Variants in USP25 observed in about 807,000 individuals in gnomAD.
USP25 encodes the protein ubiquitin carboxyl-terminal hydrolase 25.
Under a neutral mutation model 158.5 loss-of-function variants are expected in USP25, and 85 were observed. The ratio of observed to expected loss-of-function variants is 0.54; its 90% CI spans 0.45 to 0.64. The LOEUF (loss-of-function observed/expected upper bound fraction) is 0.64. USP25 is among the 30% of genes least tolerant of loss of function. The pLI is 0.00. For synonymous variants in USP25, 464 were observed against 460.4 expected, an observed-to-expected ratio of 1.01 and a Z score of -0.10; for missense variants, 1,242 against 1,327.3, an observed-to-expected ratio of 0.94 and a Z score of 1.00.
At chr21:15,770,053 T>A (rs1207525576) in intron 3 of USP25, among the ~76,000 whole-genome samples, 1 of 152,070 alleles carries the variant, frequency 6.6e-6, no homozygotes, top group East Asian at 1.9e-4. Flanking sequence ...ATCCTAGAAT[T>A]CTAGTTATGG....
intron 17 of USP25, among the ~76,000 whole-genome samples, chr21:15,833,884 T>A (rs1029939545): frequency 1.3e-5 from 2 of 151,930 alleles, no homozygotes; most frequent in African/African-American, 4.8e-5. Context: ...ACTAAAGCTA[T>A]CAAGAGTATC....
chr21:15,833,587 ATTATT>A, intron 17 of USP25, 39 bp downstream of exon 17: 1 of 1,537,698 alleles, frequency 6.5e-7, no homozygotes, highest in Non-Finnish European at 8.8e-7. Flanking sequence ...GATTATCAAT[ATTATT>A]TTTATAATAA....
rs1478512168 is a variant in USP25, at chr21:15,849,791, G to A, written c.2466G>A (p.Pro822=). ...GGYDDEIMMT[P]NMQGIIMAIG... ...TTCTGTGGCAGATCATGATGACACC[G>A]AACATGCAAGGTATTATCATGGCGA... The change falls in exon 20 of 26, where the codon CCG becomes CCA. Residue 822 remains proline (P), a synonymous_variant. Transcript: ENST00000400183. 1.5e-5 allele frequency: 23 copies of A among 1,536,328 alleles called. No homozygotes were observed. The Middle Eastern group carries it at 6.7e-4, about 45-fold the overall frequency.
intron 20 of USP25, among the ~76,000 whole-genome samples, chr21:15,853,503 G>A (rs1009598643): frequency 6.6e-6 from 1 of 151,892 alleles, no homozygotes; most frequent in Non-Finnish European, 1.5e-5. Flanking sequence ...TCTTAAACAG[G>A]TTTTAAAATA....
In USP25 at chr21:15,879,763, T is replaced by C. The variant is rs1312412699; in HGVS notation, c.*1288T>C. ...AAAACTAGTGTTCTTTATTAGTGCC[T>C]CTCACAAAAGATCCTGGATGGAGGA... On this transcript the variant is annotated 3_prime_UTR_variant, in exon 26 of 26. Coordinates refer to ENST00000400183, the MANE Select transcript of USP25 (RefSeq NM_001283041.3). 1 of 152,608 alleles carries C rather than the reference T, an allele frequency of 6.6e-6. No individual in the cohort carries two copies. Among genetic ancestry groups the C allele is most frequent in the Non-Finnish European group, 1.5e-5 (1 of 68,010 alleles). The allele number at this position is 152,608 out of a possible 1,614,324, so 9.5% of individuals were successfully genotyped here. A position where few individuals can be genotyped will look rare whatever the true frequency, so the allele number is the denominator to read the frequency against.
chr21:15,758,524 C>A (rs1055725325), intron 1 of USP25, among the ~76,000 whole-genome samples: 1 of 152,142 alleles, frequency 6.6e-6, no homozygotes, highest in Non-Finnish European at 1.5e-5. Context: ...CCTCCTTCAC[C>A]TTCAGCCGTG....
chr21:15,850,805 T>G (rs888157992), intron 20 of USP25, among the ~76,000 whole-genome samples: 2 of 151,942 alleles, frequency 1.3e-5, no homozygotes, highest in African/African-American at 4.8e-5. Context: ...AATAAGCATT[T>G]TTGAGTTTGC....
intron 1 of USP25, among the ~76,000 whole-genome samples, chr21:15,762,030 T>G (rs1239422459): frequency 6.6e-6 from 1 of 152,038 alleles, no homozygotes; most frequent in Non-Finnish European, 1.5e-5. Context: ...TAAAATGATG[T>G]AAATATTCTG....
intron 17 of USP25, among the ~76,000 whole-genome samples, chr21:15,839,433 A>C (rs372109688): frequency 1.3e-5 from 2 of 152,192 alleles, no homozygotes; most frequent in Middle Eastern, 3.2e-3. Context: ...AGTGTATGGT[A>C]GGGTATTAGT....
intron 1 of USP25, among the ~76,000 whole-genome samples, chr21:15,745,845 C>T (rs2032510974): frequency 6.6e-6 from 1 of 152,092 alleles, no homozygotes; most frequent in Non-Finnish European, 1.5e-5. Context: ...GAAGTTTTGC[C>T]ATTTTAGGTT....
chr21:15,850,325 A>G (rs547659476), intron 20 of USP25, among the ~76,000 whole-genome samples: 21 of 152,040 alleles, frequency 1.4e-4, no homozygotes, highest in Middle Eastern at 3.4e-3. Context: ...TTTATTTATT[A>G]TATTATTTTT....
intron 1 of USP25, among the ~76,000 whole-genome samples, chr21:15,734,687 A>G (rs1240090331): frequency 2.0e-5 from 3 of 152,180 alleles, no homozygotes; most frequent in African/African-American, 7.2e-5. Flanking sequence ...TTAAGATGAC[A>G]GAATGCTACT....
rs1235529086 is a variant in USP25 at position 15,843,570 on chromosome 21, GT to G, written c.2337+1031del. ...TATTAATATATCATCTTATTAAAAT[GT>G]ATTAATTTAAATAGATATTTGATGA... On this transcript the variant is annotated intron_variant, in intron 18 of 25. Coordinates refer to ENST00000400183, the MANE Select transcript of USP25 (RefSeq NM_001283041.3). The surrounding 1 kb of genome is among the most constrained non-coding windows in gnomAD (Gnocchi z 4.0). Among the ~76,000 whole-genome samples the G allele has an allele frequency of 6.6e-6, 1 of 152,134 alleles. No homozygotes were observed. Among genetic ancestry groups the G allele is most frequent in the Non-Finnish European group, 1.5e-5 (1 of 67,994 alleles).
rs895847244 is a variant in USP25 at position 15,789,243 on chromosome 21, C to T, written c.393-2259C>T. 5.3e-5 allele frequency among the ~76,000 whole-genome samples: 8 copies of T among 152,126 alleles called. No individual in the cohort carries two copies. In the East Asian group the frequency reaches 5.8e-4, roughly 11 times the overall value. On this transcript the variant is annotated intron_variant, in intron 4 of 25. Transcript: ENST00000400183. ...GTATATTTTTTGGTAGAGCAGAAGA[C>T]GGGCGTAAAGGAATTGACTATACTT...
rs2146451218 is a variant in USP25 at position 15,843,893 on chromosome 21, A to G, written c.2337+1353A>G. ...TTTTAAGCTGGTATTAGAAAACCAA[A>G]AGCATTACTTAGCTTAATGTAGAAT... On this transcript the variant is annotated intron_variant, in intron 18 of 25. Transcript: ENST00000400183. This position sits in a 1 kb window ranked among gnomAD's most constrained non-coding sequence, Gnocchi z 4.0. Among the ~76,000 whole-genome samples the G allele has an allele frequency of 6.6e-6, 1 of 152,300 alleles. No homozygotes were observed. Among genetic ancestry groups the G allele is most frequent in the South Asian group, 2.1e-4 (1 of 4,824 alleles).
Position 15,775,739 on chromosome 21 carries a change from A to ACCCCCCCCCCCCCCCCCCCCCCCC in USP25, c.269-2150_269-2149insCCCCCCCCCCCCCCCCCCCCCCCC, listed in dbSNP as rs57912569. Among the ~76,000 whole-genome samples, 28 of 14,054 alleles carry ACCCCCCCCCCCCCCCCCCCCCCCC rather than the reference A, an allele frequency of 2.0e-3. 3 individuals carry two copies. Among genetic ancestry groups the ACCCCCCCCCCCCCCCCCCCCCCCC allele is most frequent in the Non-Finnish European group, 2.6e-3 (20 of 7,732 alleles). 9.2% of individuals were successfully genotyped at this position (14,054 alleles called of 152,430 possible). A position where few individuals can be genotyped will look rare whatever the true frequency, so the allele number is the denominator to read the frequency against. On this transcript the variant is annotated intron_variant, in intron 3 of 25. Transcript: ENST00000400183. ...CAAAGGCAACAGGATAATGGTTGCCACCCCCCCCCCCCCCCGCCCCCGCTG... is the reference window on the plus strand; with the variant it reads ...CAAAGGCAACAGGATAATGGTTGCCACCCCCCCCCCCCCCCCCCCCCCCCCCCCCCCCCCCCCCCGCCCCCGCTG...
chr21:15,745,389 TTTGAAG>T (rs1174233941), intron 1 of USP25, among the ~76,000 whole-genome samples: 1 of 152,144 alleles, frequency 6.6e-6, no homozygotes, highest in African/African-American at 2.4e-5. Context: ...TAACAGTTTC[TTTGAAG>T]TTGAAGTATT....
At chr21:15,736,320 AC>A (rs1443743758) in intron 1 of USP25, among the ~76,000 whole-genome samples, 2 of 151,644 alleles carry the variant, frequency 1.3e-5, no homozygotes, top group Non-Finnish European at 2.9e-5. Context: ...CTGGTCTTAA[AC>A]TCCTGACCCC....
chr21:15,746,921 A>G (rs1426866269), intron 1 of USP25, among the ~76,000 whole-genome samples: 1 of 152,182 alleles, frequency 6.6e-6, no homozygotes, highest in Non-Finnish European at 1.5e-5. Flanking sequence ...TTTTGTATGG[A>G]AAGCAGTCTT....
Sources: allele counts gnomAD v4.1 joint callset (sites outside exome capture counted in the v4.1 genomes callset), GRCh38; gene constraint gnomAD v4.1.1; non-coding constraint Gnocchi (gnomAD v3.1); transcripts MANE v1.5; gene names NCBI Gene and HGNC (gene_info 2026-07-23, HGNC 2026-07-21).